The following VAV2 variants were observed in gnomAD, a reference collection of about 807,000 sequenced individuals.
VAV2 encodes guanine nucleotide exchange factor VAV2.
In VAV2, 67 loss-of-function variants were observed where a neutral mutation model predicts 132.5. That is an observed-to-expected ratio of 0.51 (90% CI 0.42 to 0.62). The LOEUF (loss-of-function observed/expected upper bound fraction) is 0.62. Ranked by LOEUF, VAV2 falls within the 20% of genes least tolerant of loss-of-function variation. VAV2 has a pLI of 0.00. For synonymous variants in VAV2, 492 were observed against 443.5 expected, an observed-to-expected ratio of 1.11 and a Z score of -1.37; for missense variants, 938 against 1,153.6, an observed-to-expected ratio of 0.81 and a Z score of 2.71.
At chr9:133,861,462 A>G in intron 2 of VAV2, 30 bp from the exon 3 acceptor site, 1 of 1,609,844 alleles carries the variant, frequency 6.2e-7, no homozygotes. Context: ...ACGCTCCTGT[A>G]ATTTCACAAG....
At chr9:133,805,286 G>A (rs887850692) in intron 9 of VAV2, among the ~76,000 whole-genome samples, 5 of 152,132 alleles carry the variant, frequency 3.3e-5, no homozygotes, top group East Asian at 3.9e-4. Flanking sequence ...AGTGGACCCC[G>A]GACATGGTAT....
In VAV2 at chr9:133,788,674, A is replaced by G. The variant is rs1275087362; in HGVS notation, c.1275-188T>C. ...TCGGCTGTTCCCACACTGCTTCTCC[A>G]GGAAGCCTTCCTTGGCTCCCTACCC... On this transcript the variant is annotated intron_variant, in intron 14 of 29. Transcript: ENST00000371850. The surrounding 1 kb of genome is among the most constrained non-coding windows in gnomAD (Gnocchi z 5.3). 6.6e-6 allele frequency among the ~76,000 whole-genome samples: 1 copy of G among 152,000 alleles called. No homozygotes were observed. Among genetic ancestry groups the G allele is most frequent in the African/African-American group, 2.4e-5 (1 of 41,386 alleles).
chr9:133,797,824 C>T lies in VAV2; in HGVS notation c.837-15G>A. ...AGATCAGAAGCCTGGACGGTGCACACACACGCACACACGCACACAGATTTA... is the reference window on the plus strand; with the variant it reads ...AGATCAGAAGCCTGGACGGTGCACATACACGCACACACGCACACAGATTTA... On this transcript the variant is annotated splice_polypyrimidine_tract_variant and intron_variant, in intron 9 of 29. Coordinates refer to ENST00000371850, the MANE Select transcript of VAV2 (RefSeq NM_001134398.2). The T allele has an allele frequency of 6.2e-7, 1 of 1,602,796 alleles. No homozygotes were observed. The highest frequency in any genetic ancestry group is 8.5e-7 in the Non-Finnish European group (1 of 1,173,940).
Position 133,762,836 on chromosome 9 carries a change from G to C in VAV2, c.*1226C>G, listed in dbSNP as rs1236498077. On this transcript the variant is annotated 3_prime_UTR_variant, in exon 30 of 30. Transcript: ENST00000371850. This position sits in a 1 kb window ranked among gnomAD's most constrained non-coding sequence, Gnocchi z 5.0. The stretch of plus-strand genomic sequence containing the variant: ...GGCACCTCCCACAGGCTGTGCAGCT[G>C]GCCAGAGGGAGAAGGGGCTACAAGA... 1 of 152,568 alleles carries C rather than the reference G, an allele frequency of 6.6e-6. No individual in the cohort carries two copies. The highest frequency in any genetic ancestry group is 1.5e-5 in the Non-Finnish European group (1 of 68,246). 9.5% of individuals were successfully genotyped at this position (152,568 alleles called of 1,614,324 possible).
At chr9:133,920,318 C>T (rs1329320885) in intron 2 of VAV2, among the ~76,000 whole-genome samples, 3 of 152,242 alleles carry the variant, frequency 2.0e-5, no homozygotes, top group African/African-American at 4.8e-5. Flanking sequence ...CCCCACTGCA[C>T]AGCAGTGCAA....
intron 23 of VAV2, among the ~76,000 whole-genome samples, chr9:133,776,656 T>C (rs1251398412): frequency 6.6e-6 from 1 of 152,132 alleles, no homozygotes; most frequent in Non-Finnish European, 1.5e-5. Flanking sequence ...CCTAGTGAGT[T>C]TGTGACCCTT....
intron 2 of VAV2, among the ~76,000 whole-genome samples, chr9:133,906,256 C>T (rs1331800542): frequency 2.0e-5 from 3 of 152,176 alleles, no homozygotes; most frequent in Non-Finnish European, 4.4e-5. Context: ...TCAAAATGCC[C>T]AAGACAGTGA....
chr9:133,781,761 G>A (rs148830320), intron 19 of VAV2, among the ~76,000 whole-genome samples: 194 of 152,290 alleles, frequency 1.3e-3, no homozygotes, highest in Non-Finnish European at 2.2e-3. Context: ...TGGCAAGGAC[G>A]GCGTCCCCCA....
At position 133,797,819 on chromosome 9, in the gene VAV2, GCACACACA is replaced by G; in HGVS notation, c.837-18_837-11del. On this transcript the variant is annotated splice_polypyrimidine_tract_variant and intron_variant, in intron 9 of 29. Coordinates refer to ENST00000371850, the MANE Select transcript of VAV2 (RefSeq NM_001134398.2). ...CCCGTAGATCAGAAGCCTGGACGGT[GCACACACA>G]CGCACACACGCACACAGATTTAATG... 5 of 1,609,516 alleles carry G rather than the reference GCACACACA, an allele frequency of 3.1e-6. No homozygotes were observed. Among genetic ancestry groups the G allele is most frequent in the Non-Finnish European group, 4.2e-6 (5 of 1,177,316 alleles).
intron 1 of VAV2, among the ~76,000 whole-genome samples, chr9:133,958,856 C>A (rs1159803182): frequency 6.6e-6 from 1 of 152,230 alleles, no homozygotes; most frequent in Non-Finnish European, 1.5e-5. Context: ...GTGCCAGGCT[C>A]CAGGCACCAG....
chr9:133,889,667 C>T (rs377623603), intron 2 of VAV2, among the ~76,000 whole-genome samples: 2 of 152,188 alleles, frequency 1.3e-5, no homozygotes, highest in African/African-American at 2.4e-5. Flanking sequence ...GCTTCCTCAG[C>T]GACCGAGTGC....
At position 133,788,230 on chromosome 9, in the gene VAV2, C is replaced by A; in HGVS notation, c.1407+124G>T. On this transcript the variant is annotated intron_variant, in intron 15 of 29. Coordinates refer to ENST00000371850, the MANE Select transcript of VAV2 (RefSeq NM_001134398.2). The surrounding 1 kb of genome is among the most constrained non-coding windows in gnomAD (Gnocchi z 5.3). ...TCCTGCAGAGCGGAGACGCCCACCC[C>A]AACCCACCCGGCCAGCATCAGCGGC... is the stretch of plus-strand genomic sequence containing the variant. 1.2e-6 allele frequency: 1 copy of A among 809,532 alleles called. No individual in the cohort carries two copies. The highest frequency in any genetic ancestry group is 1.9e-6 in the Non-Finnish European group (1 of 519,352). 50.1% of individuals were successfully genotyped at this position (809,532 alleles called of 1,614,324 possible).
At chr9:133,797,946 G>C in intron 9 of VAV2, 137 bp from the exon 10 acceptor site, 2 of 699,246 alleles carry the variant, frequency 2.9e-6, no homozygotes, top group Non-Finnish European at 4.6e-6. Context: ...CCCTGCACGT[G>C]GACACATTCA....
At chr9:133,934,649 C>T (rs1287522236) in intron 2 of VAV2, among the ~76,000 whole-genome samples, 5 of 152,264 alleles carry the variant, frequency 3.3e-5, no homozygotes, top group African/African-American at 9.6e-5. Context: ...ACTTGCCCCA[C>T]AGGTTCTCAG....
intron 1 of VAV2, among the ~76,000 whole-genome samples, chr9:133,953,035 C>A (rs112794029): frequency 1.3e-5 from 2 of 151,436 alleles, no homozygotes; most frequent in Admixed American, 1.3e-4. Context: ...GGAGCATGGC[C>A]CCCGGGACAC....
intron 2 of VAV2, among the ~76,000 whole-genome samples, chr9:133,897,741 C>G (rs967336791): frequency 3.3e-5 from 5 of 152,164 alleles, no homozygotes; most frequent in African/African-American, 1.2e-4. Context: ...CGCCTAAGGT[C>G]AAGATAATGC....
chr9:133,788,242 C>A lies in VAV2; in HGVS notation c.1407+112G>T. The stretch of plus-strand genomic sequence containing the variant: ...GAGACGCCCACCCCAACCCACCCGG[C>A]CAGCATCAGCGGCTGACTTCGAGTC... On this transcript the variant is annotated intron_variant, in intron 15 of 29. Transcript: ENST00000371850. This position sits in a 1 kb window ranked among gnomAD's most constrained non-coding sequence, Gnocchi z 5.3. 1 of 1,165,376 alleles carries A rather than the reference C, an allele frequency of 8.6e-7. No individual in the cohort carries two copies. The allele number at this position is 1,165,376 out of a possible 1,614,324, so 72.2% of individuals were successfully genotyped here. A position where few individuals can be genotyped will look rare whatever the true frequency, so the allele number is the denominator to read the frequency against.
At position 133,863,509 on chromosome 9, in the gene VAV2, G is replaced by A. The variant is rs1837681828; in HGVS notation, c.322-2077C>T. Among the ~76,000 whole-genome samples, 1 of 152,238 alleles carries A rather than the reference G, an allele frequency of 6.6e-6. No individual in the cohort carries two copies. Among genetic ancestry groups the A allele is most frequent in the South Asian group, 2.1e-4 (1 of 4,830 alleles). On this transcript the variant is annotated intron_variant, in intron 2 of 29. Transcript: ENST00000371850. The surrounding 1 kb of genome is among the most constrained non-coding windows in gnomAD (Gnocchi z 5.0). Reference sequence around the variant, plus strand: ...GCCAAGGCCAGAACATGGTTCTCCTGCGTCCATGCATCTGTGGCCCCTGTG... The same window carrying A: ...GCCAAGGCCAGAACATGGTTCTCCTACGTCCATGCATCTGTGGCCCCTGTG...
Position 133,768,347 on chromosome 9 carries a change from G to T in VAV2, c.2589+95C>A. The T allele has an allele frequency of 6.7e-7, 1 of 1,503,376 alleles. No homozygotes were observed. The highest frequency in any genetic ancestry group is 8.9e-7 in the Non-Finnish European group (1 of 1,117,834). 93.1% of individuals were successfully genotyped at this position (1,503,376 alleles called of 1,614,324 possible). On this transcript the variant is annotated intron_variant, in intron 29 of 29. Coordinates refer to ENST00000371850, the MANE Select transcript of VAV2 (RefSeq NM_001134398.2). The surrounding 1 kb of genome is among the most constrained non-coding windows in gnomAD (Gnocchi z 5.3). ...AGAGGGTGTCTGGAACAGGGCCTGG[G>T]GTGTGGACATAGGTGTGGTGCTAGT...
Sources: allele counts gnomAD v4.1 joint callset (sites outside exome capture counted in the v4.1 genomes callset), GRCh38; gene constraint gnomAD v4.1.1; non-coding constraint Gnocchi (gnomAD v3.1); transcripts MANE v1.5; gene names NCBI Gene and HGNC (gene_info 2026-07-23, HGNC 2026-07-21).